Variants in STK32B observed in about 807,000 individuals in gnomAD.
STK32B encodes the protein serine/threonine kinase 32B, also known as serine/threonine-protein kinase 32B.
In STK32B, 43 loss-of-function variants were observed where a neutral mutation model predicts 52.6. The observed-to-expected ratio is 0.82, with a 90% confidence interval of 0.64 to 1.05. The LOEUF is 1.05. STK32B is among the 50% of genes least tolerant of loss of function. STK32B has a pLI of 0.00. For synonymous variants in STK32B, 238 were observed against 204.3 expected (o/e 1.17, Z -1.41); for missense variants, 621 against 534.6 (o/e 1.16, Z -1.59).
At position 5,199,816 on chromosome 4, in the gene STK32B, G is replaced by A. The variant is rs1050606382; in HGVS notation, c.260+31366G>A. Among the ~76,000 whole-genome samples the A allele has an allele frequency of 1.8e-4, 26 of 147,252 alleles. 1 individual carries two copies. Among genetic ancestry groups the A allele is most frequent in the South Asian group, 4.3e-4 (2 of 4,662 alleles). On this transcript the variant is annotated intron_variant, in intron 3 of 11. Transcript: ENST00000282908. ...CGCCACAAAACCCTGCCCTCTGCTC[G>A]TCTGTGAAGCCTTCCCCACTCCCAC...
chr4:5,364,598 G>A lies in STK32B; in HGVS notation c.434+33205G>A, dbSNP rs143817270. Among the ~76,000 whole-genome samples, 145 of 152,296 alleles carry A rather than the reference G, an allele frequency of 9.5e-4. 1 individual carries two copies. Among genetic ancestry groups the A allele is most frequent in the African/African-American group, 3.3e-3 (139 of 41,566 alleles). ...GAGAAAATTCTGATTGGTTCTGCCT[G>A]AGTCACGTGACTATCCCTGAATGAG... On this transcript the variant is annotated intron_variant, in intron 4 of 11. Transcript: ENST00000282908.
In STK32B at chr4:5,062,096, C is replaced by T. The variant is rs529618084; in HGVS notation, c.52+10181C>T. ...CAGAACTCCTCTCCTCAGTATTTAT[C>T]TGTACACGAGCGCCTTCTGTTTCAA... On this transcript the variant is annotated intron_variant, in intron 1 of 11. Coordinates refer to ENST00000282908, the MANE Select transcript of STK32B (RefSeq NM_018401.3). Among the ~76,000 whole-genome samples, 7 of 152,320 alleles carry T rather than the reference C, an allele frequency of 4.6e-5. No homozygotes were observed. In the East Asian group the frequency reaches 1.4e-3, roughly 29 times the overall value.
rs564014671 is a variant in STK32B, at chr4:5,358,488, A to G, written c.434+27095A>G. Among the ~76,000 whole-genome samples, 7 of 152,280 alleles carry G rather than the reference A, an allele frequency of 4.6e-5. No individual in the cohort carries two copies. The East Asian group carries it at 5.8e-4, about 13-fold the overall frequency. On this transcript the variant is annotated intron_variant, in intron 4 of 11. Transcript: ENST00000282908. ...GCTCTGAATCTCTTCCCCAAGTGGA[A>G]TCTTTCATTCGTTAATCTAGGCACT...
At chr4:5,070,711 G>A (rs1037520481) in intron 1 of STK32B, among the ~76,000 whole-genome samples, 3 of 152,176 alleles carry the variant, frequency 2.0e-5, no homozygotes, top group East Asian at 1.9e-4. Context: ...GTTCCTTGGC[G>A]GTTCCATTCT....
intron 2 of STK32B, among the ~76,000 whole-genome samples, chr4:5,143,129 GTCTA>G (rs1446470626): frequency 3.2e-4 from 45 of 139,988 alleles, no homozygotes; most frequent in African/African-American, 9.4e-4. Context: ...CTGTCTGTCT[GTCTA>G]TCTGTCTGTC....
intron 1 of STK32B, among the ~76,000 whole-genome samples, chr4:5,125,890 T>C (rs1577085240): frequency 6.6e-6 from 1 of 152,190 alleles, no homozygotes; most frequent in Non-Finnish European, 1.5e-5. Flanking sequence ...TATTCCCATC[T>C]AGGAGAATTG....
intron 1 of STK32B, among the ~76,000 whole-genome samples, chr4:5,076,051 C>A (rs1030420916): frequency 1.3e-5 from 2 of 152,152 alleles, no homozygotes; most frequent in Admixed American, 6.6e-5. Flanking sequence ...ATGGCAATGG[C>A]AGAAGTGCTA....
At chr4:5,489,263 T>A (rs904261525) in intron 11 of STK32B, among the ~76,000 whole-genome samples, 1 of 152,138 alleles carries the variant, frequency 6.6e-6, no homozygotes, top group Non-Finnish European at 1.5e-5. Context: ...ATTGAGATAT[T>A]AGACAAAGCT....
intron 3 of STK32B, among the ~76,000 whole-genome samples, chr4:5,217,829 T>A (rs1321305617): frequency 3.9e-5 from 6 of 152,190 alleles, no homozygotes; most frequent in Non-Finnish European, 8.8e-5. Context: ...TCAGCTTCAG[T>A]TAGCCCTTCA....
chr4:5,287,809 A>G (rs1728650571), intron 3 of STK32B, among the ~76,000 whole-genome samples: 1 of 152,188 alleles, frequency 6.6e-6, no homozygotes. Context: ...TTTAAAATGT[A>G]CAATTCAGGA....
At chr4:5,166,255 C>T (rs1049395238) in intron 2 of STK32B, among the ~76,000 whole-genome samples, 2 of 151,816 alleles carry the variant, frequency 1.3e-5, no homozygotes, top group Admixed American at 1.3e-4. Flanking sequence ...TGAAAAGTGA[C>T]AGCTGGGGAG....
At chr4:5,384,624 A>C (rs1227729944) in intron 4 of STK32B, among the ~76,000 whole-genome samples, 1 of 152,194 alleles carries the variant, frequency 6.6e-6, no homozygotes, top group Non-Finnish European at 1.5e-5. Context: ...GAAATTAACC[A>C]GGCTTTGGGT....
chr4:5,474,754 C>T (rs1242737070), intron 11 of STK32B, among the ~76,000 whole-genome samples: 1 of 152,190 alleles, frequency 6.6e-6, no homozygotes, highest in African/African-American at 2.4e-5. Flanking sequence ...CCCATTTTCT[C>T]ATTCCATTCT....
intron 5 of STK32B, among the ~76,000 whole-genome samples, chr4:5,402,093 C>T (rs373302215): frequency 3.3e-5 from 5 of 152,366 alleles, no homozygotes; most frequent in South Asian, 2.1e-4. Context: ...GGAGCAAGAG[C>T]AGGAGAGCCC....
chr4:5,418,885 T>C (rs1446504260), intron 6 of STK32B, among the ~76,000 whole-genome samples: 2 of 152,270 alleles, frequency 1.3e-5, no homozygotes, highest in East Asian at 3.9e-4. Context: ...GGGAGGAGGC[T>C]TAGTTTGGAC....
At chr4:5,299,596 G>C (rs1729422950) in intron 3 of STK32B, among the ~76,000 whole-genome samples, 1 of 152,076 alleles carries the variant, frequency 6.6e-6, no homozygotes, top group African/African-American at 2.4e-5. Flanking sequence ...CTTTATTTCT[G>C]ATTTCCCTAG....
Position 5,377,311 on chromosome 4 carries a change from T to TA in STK32B, c.435-20895dup, listed in dbSNP as rs1217454790. Among the ~76,000 whole-genome samples the TA allele has an allele frequency of 2.0e-5, 3 of 152,146 alleles. No homozygotes were observed. The East Asian group carries it at 5.8e-4, about 29-fold the overall frequency. On this transcript the variant is annotated intron_variant, in intron 4 of 11. Transcript: ENST00000282908. Reference sequence around the variant, plus strand: ...CAAAAGGGGTGAAATATTAAGAACTTACCTTCAAAGGGATTAGCTTCCCAC... The same window carrying TA: ...CAAAAGGGGTGAAATATTAAGAACTTAACCTTCAAAGGGATTAGCTTCCCAC...
chr4:5,324,519 G>A (rs1455131076), intron 3 of STK32B, among the ~76,000 whole-genome samples: 1 of 152,122 alleles, frequency 6.6e-6, no homozygotes, highest in Non-Finnish European at 1.5e-5. Flanking sequence ...CTTAAGCAGG[G>A]TTTTTCAACC....
intron 4 of STK32B, among the ~76,000 whole-genome samples, chr4:5,368,126 A>G (rs749365548): frequency 2.0e-5 from 3 of 151,880 alleles, no homozygotes; most frequent in Non-Finnish European, 2.9e-5. Context: ...AGCAAAACCC[A>G]TGTTCGTCCT....
Sources: gnomAD v4.1 joint callset for allele counts (sites outside exome capture counted in the v4.1 genomes callset) on GRCh38, gnomAD v4.1.1 for gene constraint, MANE v1.5 for transcripts, NCBI Gene and HGNC (gene_info 2026-07-23, HGNC 2026-07-21) for gene names.